The following CSGALNACT1 variants were observed in gnomAD, a reference collection of about 807,000 sequenced individuals.
CSGALNACT1 encodes chondroitin sulfate N-acetylgalactosaminyltransferase 1.
In CSGALNACT1, 52 loss-of-function variants were observed where a neutral mutation model predicts 51.0. The observed-to-expected ratio is 1.02, with a 90% CI of 0.82 to 1.29. The LOEUF (loss-of-function observed/expected upper bound fraction) is 1.29. Among genes scored for constraint, CSGALNACT1 ranks in the 50% most tolerant of loss-of-function variants. The pLI, the probability that CSGALNACT1 is intolerant of heterozygous loss-of-function variation, is 0.00. For missense variants in CSGALNACT1, 935 were observed against 679.2 expected (o/e 1.38, Z -4.19); for synonymous variants, 341 against 254.4 (o/e 1.34, Z -3.24).
intron 3 of CSGALNACT1, among the ~76,000 whole-genome samples, chr8:19,555,851 T>C (rs866166542): frequency 6.6e-6 from 1 of 152,210 alleles, no homozygotes; most frequent in Middle Eastern, 3.4e-3. Context: ...GAAATGCAAC[T>C]CCGTGGAAAC....
chr8:19,510,844 C>T (rs2078329562), intron 3 of CSGALNACT1, among the ~76,000 whole-genome samples: 1 of 152,160 alleles, frequency 6.6e-6, no homozygotes, highest in Non-Finnish European at 1.5e-5. Context: ...GAAGGTAAAA[C>T]AAAGGCAGGT....
At chr8:19,595,614 A>T (rs1295938358) in intron 2 of CSGALNACT1, among the ~76,000 whole-genome samples, 1 of 151,868 alleles carries the variant, frequency 6.6e-6, no homozygotes, top group East Asian at 1.9e-4. Context: ...TCATATTTGT[A>T]ATGTTAAAAA....
At chr8:19,406,231 C>T (rs951874779) in intron 9 of CSGALNACT1, among the ~76,000 whole-genome samples, 162 bp from the exon 9 acceptor site, 21 of 152,040 alleles carry the variant, frequency 1.4e-4, no homozygotes, top group African/African-American at 4.6e-4. Context: ...TCAGAAGCCC[C>T]GAGAATTCCC....
intron 8 of CSGALNACT1, 50 bp from the exon 8 acceptor site, chr8:19,408,744 A>G: frequency 6.4e-7 from 1 of 1,553,102 alleles, no homozygotes; most frequent in Non-Finnish European, 8.9e-7. Flanking sequence ...GTGGACAAAA[A>G]TAGAGTGTTC....
chr8:19,520,732 C>T (rs2080496190), intron 3 of CSGALNACT1, among the ~76,000 whole-genome samples: 1 of 152,172 alleles, frequency 6.6e-6, no homozygotes, highest in Non-Finnish European at 1.5e-5. Flanking sequence ...AGTAGACTTT[C>T]CTCTCATAAT....
At chr8:19,657,408 G>A (rs1013890239) in intron 1 of CSGALNACT1, among the ~76,000 whole-genome samples, 2 of 152,142 alleles carry the variant, frequency 1.3e-5, no homozygotes, top group African/African-American at 2.4e-5. Flanking sequence ...AATAATGGTT[G>A]GATATTTTCT....
intron 4 of CSGALNACT1, among the ~76,000 whole-genome samples, chr8:19,471,125 G>T (rs1180813548): frequency 2.0e-5 from 3 of 151,716 alleles, no homozygotes; most frequent in African/African-American, 7.3e-5. Context: ...AAAGGAGAGA[G>T]AGGGGAGAGA....
At chr8:19,523,180 A>T (rs2081056497) in intron 3 of CSGALNACT1, among the ~76,000 whole-genome samples, 1 of 152,208 alleles carries the variant, frequency 6.6e-6, no homozygotes, top group African/African-American at 2.4e-5. Context: ...GGGGCGGGGC[A>T]CCACCTTCTC....
chr8:19,620,618 G>C (rs1352742347), intron 1 of CSGALNACT1, among the ~76,000 whole-genome samples: 2 of 151,954 alleles, frequency 1.3e-5, no homozygotes, highest in Non-Finnish European at 2.9e-5. Context: ...TTGTATTGTT[G>C]AGATGGGGGT....
At chr8:19,713,930 G>A (rs932236923) in intron 1 of CSGALNACT1, among the ~76,000 whole-genome samples, 32 of 152,196 alleles carry the variant, frequency 2.1e-4, no homozygotes, top group African/African-American at 6.8e-4. Context: ...CACAGAACAC[G>A]TTTAGGAAAT....
intron 1 of CSGALNACT1, among the ~76,000 whole-genome samples, chr8:19,621,106 G>C (rs1193123722): frequency 2.6e-5 from 4 of 152,210 alleles, no homozygotes; most frequent in African/African-American, 4.8e-5. Flanking sequence ...ATGAATGCTA[G>C]AAGTGATAAA....
chr8:19,700,416 T>G (rs534752209), intron 1 of CSGALNACT1, among the ~76,000 whole-genome samples: 3 of 152,198 alleles, frequency 2.0e-5, no homozygotes, highest in Admixed American at 6.5e-5. Context: ...AAAATCAGGC[T>G]AATAGCCTTC....
chr8:19,543,290 C>T (rs1160951510), intron 3 of CSGALNACT1, among the ~76,000 whole-genome samples: 7 of 152,100 alleles, frequency 4.6e-5, no homozygotes, highest in Non-Finnish European at 8.8e-5. Context: ...AACTGTTTAC[C>T]AAGATGAATT....
At chr8:19,508,909 C>T (rs909995901) in intron 3 of CSGALNACT1, among the ~76,000 whole-genome samples, 1 of 152,054 alleles carries the variant, frequency 6.6e-6, no homozygotes, top group African/African-American at 2.4e-5. Flanking sequence ...TAATTTTCTT[C>T]AAGATCTAGT....
At chr8:19,523,468 CA>C (rs2154032850) in intron 3 of CSGALNACT1, among the ~76,000 whole-genome samples, 1 of 151,918 alleles carries the variant, frequency 6.6e-6, no homozygotes, top group South Asian at 2.1e-4. Flanking sequence ...CGTAGTCTTG[CA>C]ATGTTGTCCA....
chr8:19,427,564 G>A (rs1008342237), intron 6 of CSGALNACT1, among the ~76,000 whole-genome samples: 4 of 151,996 alleles, frequency 2.6e-5, no homozygotes, highest in East Asian at 1.9e-4. Context: ...CGAGGCGGGC[G>A]GATCACGAGG....
chr8:19,731,726 G>T (rs1001650269), intron 1 of CSGALNACT1, among the ~76,000 whole-genome samples: 2 of 152,130 alleles, frequency 1.3e-5, no homozygotes, highest in Admixed American at 1.3e-4. Flanking sequence ...TAAAATAGTT[G>T]CACTATGTAT....
intron 1 of CSGALNACT1, among the ~76,000 whole-genome samples, chr8:19,608,515 C>G (rs1039608023): frequency 2.6e-5 from 4 of 152,242 alleles, no homozygotes; most frequent in African/African-American, 9.6e-5. Context: ...TAATAAACAT[C>G]TATGTGCTAC....
intron 6 of CSGALNACT1, among the ~76,000 whole-genome samples, chr8:19,434,886 G>T (rs1402050569): frequency 1.3e-5 from 2 of 151,022 alleles, no homozygotes; most frequent in South Asian, 2.1e-4. Flanking sequence ...TTCTGAAAAT[G>T]GACAAACAAA....
Sources: gnomAD v4.1 joint callset for allele counts (sites outside exome capture counted in the v4.1 genomes callset) on GRCh38, gnomAD v4.1.1 for gene constraint, MANE v1.5 for transcripts, NCBI Gene and HGNC (gene_info 2026-07-23, HGNC 2026-07-21) for gene names.